ANKRD42: variants seen among roughly 807,000 people sequenced by gnomAD.
ANKRD42 encodes the protein ankyrin repeat domain 42.
A neutral mutation model predicts 51.5 loss-of-function variants in ANKRD42; 43 were observed. The observed-to-expected ratio is 0.83, with a 90% CI of 0.65 to 1.08. The LOEUF is 1.08. Among genes scored for constraint, ANKRD42 ranks in the 50% least tolerant of loss-of-function variants. The probability of loss-of-function intolerance (pLI) is 0.00; values close to 1 mark genes in which losing one functional copy is unlikely to be tolerated. For synonymous variants in ANKRD42, 203 were observed against 213.0 expected, an observed-to-expected ratio of 0.95 and a Z score of 0.41; for missense variants, 608 against 629.3, an observed-to-expected ratio of 0.97 and a Z score of 0.36.
chr11:83,238,844 A>G (rs1863300982), intron 8 of ANKRD42, among the ~76,000 whole-genome samples: 1 of 151,898 alleles, frequency 6.6e-6, no homozygotes, highest in African/African-American at 2.4e-5. Flanking sequence ...AAAAAAAAAA[A>G]AAATTCAAAA....
downstream of ANKRD42, among the ~76,000 whole-genome samples, chr11:83,253,399 G>A (rs1269835779): frequency 6.6e-6 from 1 of 152,224 alleles, no homozygotes; most frequent in African/African-American, 2.4e-5. Context: ...ATTTCTCAGA[G>A]TGCATAGGCT....
chr11:83,201,830 C>T (rs1016900020), intron 2 of ANKRD42, among the ~76,000 whole-genome samples: 1 of 152,074 alleles, frequency 6.6e-6, no homozygotes, highest in African/African-American at 2.4e-5. Flanking sequence ...ATCCTTTGCC[C>T]ACTTTTTGAT....
At chr11:83,222,127 C>A (rs1316487035) in intron 5 of ANKRD42, among the ~76,000 whole-genome samples, 1 of 152,158 alleles carries the variant, frequency 6.6e-6, no homozygotes, top group Non-Finnish European at 1.5e-5. Flanking sequence ...TTTCACTTGA[C>A]TGTGGCCCCA....
intron 3 of ANKRD42, 70 bp downstream of exon 3, chr11:83,206,235 C>A: frequency 8.0e-7 from 1 of 1,251,910 alleles, no homozygotes; most frequent in East Asian, 2.4e-5. Context: ...TGCTATTATT[C>A]TAATTATTTG....
At chr11:83,230,052 T>TA (rs781501070) in intron 7 of ANKRD42, among the ~76,000 whole-genome samples, 6 of 152,220 alleles carry the variant, frequency 3.9e-5, no homozygotes, top group Non-Finnish European at 8.8e-5. Context: ...TTATTGACTA[T>TA]AGTCACCCTG....
At position 83,236,498 on chromosome 11, in the gene ANKRD42, T is replaced by A. The variant is rs1237581255; in HGVS notation, c.1008T>A (p.Asp336Glu). 2.5e-6 allele frequency: 4 copies of A among 1,609,572 alleles called. No homozygotes were observed. In the East Asian group the frequency reaches 8.9e-5, roughly 36 times the overall value. Residue 336 changes from aspartate to glutamate, a missense_variant, in exon 8 of 11, where the codon GAT becomes GAA. Asp to Glu is a conservative substitution (Grantham distance 45). Coordinates refer to ENST00000533342, the MANE Select transcript of ANKRD42 (RefSeq NM_001300975.2). ...ACAAAGCAGGGGAGAGACCCAGTGA[T>A]GTGGCAAAGAGGTATAAATCTCTGT... ...ITNKAGERPSDVAKRFAHLAA... is the reference protein window; with the variant it reads ...ITNKAGERPSEVAKRFAHLAA...
At chr11:83,207,120 A>G (rs1180504980) in intron 3 of ANKRD42, among the ~76,000 whole-genome samples, 3 of 152,224 alleles carry the variant, frequency 2.0e-5, no homozygotes, top group African/African-American at 7.2e-5. Flanking sequence ...ACAGGATGGC[A>G]GGAAGAGAGA....
At chr11:83,215,289 C>A (rs1565184118) in intron 5 of ANKRD42, 1 of 151,654 alleles carries the variant, frequency 6.6e-6, no homozygotes, top group African/African-American at 2.4e-5. Context: ...TATAGCTACT[C>A]TTTTTCTTTT....
At chr11:83,229,535 A>G (rs1863003610) in intron 7 of ANKRD42, among the ~76,000 whole-genome samples, 1 of 152,178 alleles carries the variant, frequency 6.6e-6, no homozygotes, top group African/African-American at 2.4e-5. Context: ...CAGTAAATTA[A>G]GTTTCATTGA....
chr11:83,248,398 C>A lies in ANKRD42; in HGVS notation c.*194C>A, dbSNP rs2135560773. 7.8e-7 allele frequency: 1 copy of A among 1,285,356 alleles called. No individual in the cohort carries two copies. Among genetic ancestry groups the A allele is most frequent in the East Asian group, 3.0e-5 (1 of 32,998 alleles). 79.6% of individuals were successfully genotyped at this position (1,285,356 alleles called of 1,614,324 possible). ...CATCTGTCTATCTATCTTCAAACAG[C>A]AGCCTAGTTCATAAGTATTATTGTT... On this transcript the variant is annotated 3_prime_UTR_variant, in exon 11 of 11. Transcript: ENST00000533342.
At chr11:83,207,618 T>A (rs1862127573) in intron 3 of ANKRD42, among the ~76,000 whole-genome samples, 1 of 152,228 alleles carries the variant, frequency 6.6e-6, no homozygotes, top group East Asian at 1.9e-4. Context: ...CATTGGAGAT[T>A]TATTGTGTGT....
chr11:83,247,877 C>A, intron 10 of ANKRD42, 66 bp from the exon 11 acceptor site: 1 of 1,310,730 alleles, frequency 7.6e-7, no homozygotes, highest in Non-Finnish European at 1.1e-6. Context: ...TGAATGCTTT[C>A]CACTACTAAA....
At chr11:83,208,594 G>A (rs994239682) in intron 3 of ANKRD42, among the ~76,000 whole-genome samples, 4 of 152,096 alleles carry the variant, frequency 2.6e-5, no homozygotes, top group Admixed American at 2.6e-4. Flanking sequence ...GTGGCAGAGG[G>A]AAAGAAAGAA....
At chr11:83,212,627 C>A in intron 5 of ANKRD42, 1 of 1,501,006 alleles carries the variant, frequency 6.7e-7, no homozygotes. Context: ...TATGAACAGG[C>A]CTGATCAAAT....
intron 5 of ANKRD42, chr11:83,213,383 G>C: frequency 6.4e-7 from 1 of 1,573,384 alleles, no homozygotes; most frequent in Admixed American, 1.7e-5. Flanking sequence ...ACGCCAGGCT[G>C]CGCAGTGAAG....
At chr11:83,207,263 C>T (rs1253643421) in intron 3 of ANKRD42, among the ~76,000 whole-genome samples, 4 of 152,102 alleles carry the variant, frequency 2.6e-5, no homozygotes, top group South Asian at 2.1e-4. Flanking sequence ...TCCCATGACA[C>T]GTGGAGATTA....
chr11:83,247,824 G>T, intron 10 of ANKRD42, 119 bp from the exon 11 acceptor site: 1 of 903,940 alleles, frequency 1.1e-6, no homozygotes, highest in Non-Finnish European at 1.6e-6. Flanking sequence ...CATATTTGTT[G>T]AATAAATGAT....
At chr11:83,206,189 AAGTT>A in intron 3 of ANKRD42, 24 bp downstream of exon 3, 1 of 1,530,036 alleles carries the variant, frequency 6.5e-7, no homozygotes, top group Non-Finnish European at 9.0e-7. Context: ...TTTTTTCAGT[AAGTT>A]CAATTACTTT....
At chr11:83,205,662 A>T (rs907395148) in intron 2 of ANKRD42, among the ~76,000 whole-genome samples, 3 of 152,240 alleles carry the variant, frequency 2.0e-5, no homozygotes, top group African/African-American at 7.2e-5. Context: ...CCGTTTAAAG[A>T]TCTATGTTTG....
Sources: gnomAD v4.1 joint callset for allele counts (sites outside exome capture counted in the v4.1 genomes callset) on GRCh38, gnomAD v4.1.1 for gene constraint, MANE v1.5 for transcripts, NCBI Gene and HGNC (gene_info 2026-07-23, HGNC 2026-07-21) for gene names.